KHDRBS2: variants seen among roughly 807,000 people sequenced by gnomAD.
KHDRBS2 encodes the protein KH RNA binding domain containing, signal transduction associated 2.
A neutral mutation model predicts 44.3 loss-of-function variants in KHDRBS2; 26 were observed. The ratio of observed to expected loss-of-function variants is 0.59; its 90% CI spans 0.43 to 0.81. KHDRBS2 has a LOEUF of 0.81. KHDRBS2 is among the 40% of genes least tolerant of loss of function. The pLI is 0.00. For missense variants in KHDRBS2, 476 were observed against 433.1 expected (o/e 1.10, Z -0.88); for synonymous variants, 194 against 151.1 (o/e 1.28, Z -2.08).
At chr6:62,278,486 A>G (rs1414495029) in intron 1 of KHDRBS2, among the ~76,000 whole-genome samples, 1 of 152,218 alleles carries the variant, frequency 6.6e-6, no homozygotes, top group African/African-American at 2.4e-5. Context: ...TGTGTCCATT[A>G]TCTAGATGAA....
chr6:61,575,354 T>C, the KHDRBS2 span, among the ~76,000 whole-genome samples: 2 of 151,852 alleles, frequency 1.3e-5, no homozygotes, highest in Admixed American at 6.6e-5. Context: ...CCAAGAAACA[T>C]ATGAAAAAAT....
At position 61,775,876 on chromosome 6, in the gene KHDRBS2, A is replaced by G. The variant is rs537589759; in HGVS notation, c.811-43112T>C. Reference sequence around the variant, plus strand: ...AGAACAAAGCTGGAGGCAACAGGCTACCTGACTTCAAATATACTACAAGGC... The same window carrying G: ...AGAACAAAGCTGGAGGCAACAGGCTGCCTGACTTCAAATATACTACAAGGC... On this transcript the variant is annotated intron_variant, in intron 6 of 8. Coordinates refer to ENST00000281156, the MANE Select transcript of KHDRBS2 (RefSeq NM_152688.4). Among the ~76,000 whole-genome samples, 14 of 152,348 alleles carry G rather than the reference A, an allele frequency of 9.2e-5. No individual in the cohort carries two copies. The South Asian group carries it at 2.1e-3, about 23-fold the overall frequency.
intron 1 of KHDRBS2, among the ~76,000 whole-genome samples, chr6:62,195,322 C>A (rs1379219769): frequency 3.3e-5 from 5 of 152,148 alleles, no homozygotes; most frequent in Non-Finnish European, 7.4e-5. Context: ...TGTGTGAGCA[C>A]CAAAGGATTT....
At chr6:61,990,168 G>T (rs1181435224) in intron 3 of KHDRBS2, among the ~76,000 whole-genome samples, 2 of 152,076 alleles carry the variant, frequency 1.3e-5, no homozygotes, top group African/African-American at 2.4e-5. Flanking sequence ...CAGTCCCTCT[G>T]CTGGGGGAAC....
At position 61,702,784 on chromosome 6, in the gene KHDRBS2, C is replaced by T. The variant is rs114303041; in HGVS notation, c.894-5531G>A. Among the ~76,000 whole-genome samples the T allele has an allele frequency of 2.8e-3, 431 of 152,014 alleles. 2 individuals carry two copies. Among genetic ancestry groups the T allele is most frequent in the Non-Finnish European group, 4.1e-3 (281 of 67,916 alleles). ...AAGTAATATATTAATCTGCTATTGG[C>T]TCCTGCCTCCTTCACTCCACTTATT... is the stretch of plus-strand genomic sequence containing the variant. On this transcript the variant is annotated intron_variant, in intron 7 of 8. Transcript: ENST00000281156.
chr6:62,095,837 T>C (rs1334610103), intron 2 of KHDRBS2, among the ~76,000 whole-genome samples: 2 of 151,954 alleles, frequency 1.3e-5, no homozygotes, highest in East Asian at 1.9e-4. Flanking sequence ...CTGTTGGCTA[T>C]GATGTTAGCT....
chr6:62,075,939 T>A (rs1796245961), intron 2 of KHDRBS2, among the ~76,000 whole-genome samples: 1 of 151,518 alleles, frequency 6.6e-6, no homozygotes, highest in African/African-American at 2.4e-5. Context: ...CACCAAGGAA[T>A]TTTTTTGATC....
chr6:61,688,932 G>A (rs1212324576), intron 8 of KHDRBS2, among the ~76,000 whole-genome samples: 1 of 151,916 alleles, frequency 6.6e-6, no homozygotes, highest in East Asian at 1.9e-4. Context: ...ATACTAAGGA[G>A]ATGATTCAAG....
At chr6:61,700,466 TGTATA>T (rs1196626775) in intron 7 of KHDRBS2, among the ~76,000 whole-genome samples, 2 of 150,596 alleles carry the variant, frequency 1.3e-5, no homozygotes, top group Admixed American at 1.3e-4. Flanking sequence ...TGGAAAATGA[TGTATA>T]ATAATCAAAA....
At chr6:61,947,677 G>GA (rs1219944314) in intron 4 of KHDRBS2, among the ~76,000 whole-genome samples, 2 of 151,454 alleles carry the variant, frequency 1.3e-5, no homozygotes, top group African/African-American at 2.4e-5. Context: ...AGACATACAA[G>GA]AAAAAAAAGT....
chr6:61,670,947 C>G, the KHDRBS2 span, among the ~76,000 whole-genome samples: 124 of 151,708 alleles, frequency 8.2e-4, 2 homozygotes, highest in South Asian at 9.3e-3. Context: ...ACTGCACTCT[C>G]CCACATAGCT....
At chr6:62,116,175 C>T (rs766651240) in intron 2 of KHDRBS2, among the ~76,000 whole-genome samples, 4 of 151,978 alleles carry the variant, frequency 2.6e-5, no homozygotes, top group Non-Finnish European at 4.4e-5. Flanking sequence ...GATCCATTAC[C>T]CCAAATATGT....
At chr6:61,577,227 A>G in the KHDRBS2 span, among the ~76,000 whole-genome samples, 6 of 152,036 alleles carry the variant, frequency 3.9e-5, no homozygotes, top group South Asian at 1.2e-3. Context: ...TATGAAGTGT[A>G]GAGCCAGGAT....
chr6:62,002,004 A>G (rs1490068996), intron 3 of KHDRBS2, among the ~76,000 whole-genome samples: 2 of 152,102 alleles, frequency 1.3e-5, no homozygotes, highest in East Asian at 3.8e-4. Flanking sequence ...ATGACACTGT[A>G]CTCACTTTAG....
chr6:61,612,990 C>T, the KHDRBS2 span, among the ~76,000 whole-genome samples: 1 of 151,622 alleles, frequency 6.6e-6, no homozygotes, highest in South Asian at 2.1e-4. Flanking sequence ...GTAGCTGGGA[C>T]TACAGGTGCC....
At chr6:61,862,856 CTCT>C (rs1372049504) in intron 6 of KHDRBS2, among the ~76,000 whole-genome samples, 1 of 152,044 alleles carries the variant, frequency 6.6e-6, no homozygotes, top group Non-Finnish European at 1.5e-5. Context: ...GGAGGAATCT[CTCT>C]TCTTCAATTT....
intron 2 of KHDRBS2, among the ~76,000 whole-genome samples, chr6:62,153,734 T>A (rs995828724): frequency 3.3e-5 from 5 of 152,252 alleles, no homozygotes; most frequent in East Asian, 1.9e-4. Context: ...ACTCACTCAA[T>A]CCTACTGCCT....
chr6:61,823,516 T>C (rs1790340798), intron 6 of KHDRBS2, among the ~76,000 whole-genome samples: 1 of 152,048 alleles, frequency 6.6e-6, no homozygotes, highest in Admixed American at 6.6e-5. Context: ...GTGAGCAAGT[T>C]CAGAAATAGA....
chr6:62,012,223 A>G (rs556628885), intron 3 of KHDRBS2, among the ~76,000 whole-genome samples: 1 of 152,306 alleles, frequency 6.6e-6, no homozygotes, highest in South Asian at 2.1e-4. Context: ...ACTCTTCCTC[A>G]TTAACTATAC....
Sources: gnomAD v4.1 joint callset for allele counts (sites outside exome capture counted in the v4.1 genomes callset) on GRCh38, gnomAD v4.1.1 for gene constraint, MANE v1.5 for transcripts, NCBI Gene and HGNC (gene_info 2026-07-23, HGNC 2026-07-21) for gene names.